PDLIM3: variants seen among roughly 807,000 people sequenced by gnomAD.
PDLIM3 encodes the protein PDZ and LIM domain 3.
Under a neutral mutation model 37.3 loss-of-function variants are expected in PDLIM3, and 36 were observed. The ratio of observed to expected loss-of-function variants is 0.97; its 90% CI spans 0.74 to 1.28. PDLIM3 has a LOEUF of 1.28. PDLIM3 is among the 50% of genes most tolerant of loss of function. PDLIM3 has a pLI of 0.00. For synonymous variants in PDLIM3, 174 were observed against 182.4 expected, an observed-to-expected ratio of 0.95 and a Z score of 0.37; for missense variants, 454 against 485.0, an observed-to-expected ratio of 0.94 and a Z score of 0.60.
At chr4:185,515,745 T>C (rs2095713942) in intron 3 of PDLIM3, 1 of 148,322 alleles carries the variant, frequency 6.7e-6, no homozygotes. Context: ...ATCCTATAAT[T>C]TTTTTTTTTA....
In PDLIM3 at chr4:185,523,437, A is replaced by C; in HGVS notation, c.255T>G (p.Thr85=). The C allele has an allele frequency of 6.3e-7, 1 of 1,595,854 alleles. No homozygotes were observed. The highest frequency in any genetic ancestry group is 1.3e-5 in the African/African-American group (1 of 74,684). The change falls in exon 3 of 8, where the codon ACT becomes ACG. Residue 85 remains threonine (T), a synonymous_variant. Coordinates refer to ENST00000284767, the MANE Select transcript of PDLIM3 (RefSeq NM_014476.6). ...CAGATACTTGTGGAGACCATAAGTG[A>C]GTTTCTCCCCTGGAAATAAAATAAA... ...QLCLKIDRGE[T]HLWSPQVSED...
intron 3 of PDLIM3, among the ~76,000 whole-genome samples, chr4:185,518,690 TC>T (rs2095718427): frequency 6.6e-6 from 1 of 152,210 alleles, no homozygotes; most frequent in African/African-American, 2.4e-5. Flanking sequence ...GTGAGCAGTT[TC>T]AAGTGTTTCC....
chr4:185,534,329 G>T (rs2095749736), intron 1 of PDLIM3, among the ~76,000 whole-genome samples: 1 of 152,172 alleles, frequency 6.6e-6, no homozygotes, highest in African/African-American at 2.4e-5. Flanking sequence ...AATATGGCAT[G>T]AGAAGAATAC....
chr4:185,535,488 T>A lies in PDLIM3; in HGVS notation c.-54A>T. 1 of 1,471,616 alleles carries A rather than the reference T, an allele frequency of 6.8e-7. No individual in the cohort carries two copies. Among genetic ancestry groups the A allele is most frequent in the Non-Finnish European group, 9.2e-7 (1 of 1,086,726 alleles). 91.2% of individuals were successfully genotyped at this position (1,471,616 alleles called of 1,614,324 possible). ...AAGTGTCCCCGCGCAGGGCAGCCAC[T>A]CCGCGCCGGGCGGCGTCCTGGCCCC... On this transcript the variant is annotated 5_prime_UTR_variant, in exon 1 of 8. Transcript: ENST00000284767.
intron 3 of PDLIM3, chr4:185,515,496 A>C (rs1005328042): frequency 1.3e-5 from 2 of 152,222 alleles, no homozygotes; most frequent in African/African-American, 2.4e-5. Flanking sequence ...CACAAGTGAG[A>C]GACTCTTTTT....
At chr4:185,530,380 C>G (rs1479360861) in intron 1 of PDLIM3, among the ~76,000 whole-genome samples, 2 of 152,304 alleles carry the variant, frequency 1.3e-5, no homozygotes, top group Middle Eastern at 3.4e-3. Context: ...AAAGCCTGTA[C>G]AAATTAGGAA....
Position 185,506,517 on chromosome 4 carries a change from C to A in PDLIM3, c.793+5G>T. On this transcript the variant is annotated splice_donor_5th_base_variant and intron_variant, in intron 6 of 7. Coordinates refer to ENST00000284767, the MANE Select transcript of PDLIM3 (RefSeq NM_014476.6). Reference sequence around the variant, plus strand: ...ACGTTTCAGCAGGTGTCAGCGGCTGCTCACCAGAGCCATCGTCCACCATTC... The same window carrying A: ...ACGTTTCAGCAGGTGTCAGCGGCTGATCACCAGAGCCATCGTCCACCATTC... 1 of 1,613,600 alleles carries A rather than the reference C, an allele frequency of 6.2e-7. No homozygotes were observed. The highest frequency in any genetic ancestry group is 8.5e-7 in the Non-Finnish European group (1 of 1,180,002).
At chr4:185,526,253 G>T (rs2095733929) in intron 1 of PDLIM3, among the ~76,000 whole-genome samples, 1 of 152,212 alleles carries the variant, frequency 6.6e-6, no homozygotes, top group African/African-American at 2.4e-5. Context: ...CAGAGACAAA[G>T]GAAGTTTGTA....
At position 185,535,455 on chromosome 4, in the gene PDLIM3, C is replaced by T; in HGVS notation, c.-21G>A. The T allele has an allele frequency of 3.2e-6, 5 of 1,569,024 alleles. No individual in the cohort carries two copies. The highest frequency in any genetic ancestry group is 4.3e-6 in the Non-Finnish European group (5 of 1,158,380). ...GGCATGCCGCCTTCCTCCCGCCCAC[C>T]GGGCTCTAAGTGTCCCCGCGCAGGG... On this transcript the variant is annotated 5_prime_UTR_variant, in exon 1 of 8. Coordinates refer to ENST00000284767, the MANE Select transcript of PDLIM3 (RefSeq NM_014476.6).
intron 7 of PDLIM3, among the ~76,000 whole-genome samples, chr4:185,503,776 C>G (rs1456410159): frequency 8.5e-5 from 13 of 152,106 alleles, no homozygotes; most frequent in Non-Finnish European, 4.4e-5. Flanking sequence ...GGTGAAACCC[C>G]CTCTCTACCA....
In PDLIM3 at chr4:185,534,383, C is replaced by T. The variant is rs539477184; in HGVS notation, c.93+959G>A. Among the ~76,000 whole-genome samples the T allele has an allele frequency of 1.8e-4, 28 of 152,200 alleles. 2 individuals are homozygous for T. The South Asian group carries it at 5.8e-3, about 32-fold the overall frequency. ...ACTCTGCAACTAAAAGTATAATATT[C>T]TGGAAGTTTACGCCTTTAGGTATTA... is the stretch of plus-strand genomic sequence containing the variant. On this transcript the variant is annotated intron_variant, in intron 1 of 7. Transcript: ENST00000284767.
In PDLIM3 at chr4:185,535,466, T is replaced by A. The variant is rs771433298; in HGVS notation, c.-32A>T. The A allele has an allele frequency of 1.3e-6, 2 of 1,539,850 alleles. No individual in the cohort carries two copies. The highest frequency in any genetic ancestry group is 2.4e-5 in the South Asian group (2 of 83,454). On this transcript the variant is annotated 5_prime_UTR_variant, in exon 1 of 8. Coordinates refer to ENST00000284767, the MANE Select transcript of PDLIM3 (RefSeq NM_014476.6). The stretch of plus-strand genomic sequence containing the variant: ...TTCCTCCCGCCCACCGGGCTCTAAG[T>A]GTCCCCGCGCAGGGCAGCCACTCCG...
At chr4:185,510,469 G>A (rs1179400650) in intron 4 of PDLIM3, among the ~76,000 whole-genome samples, 1 of 152,068 alleles carries the variant, frequency 6.6e-6, no homozygotes, top group Non-Finnish European at 1.5e-5. Flanking sequence ...ACTACCAATA[G>A]CCTACTGTTG....
In PDLIM3 at chr4:185,530,207, T is replaced by C. The variant is rs553256139; in HGVS notation, c.94-5036A>G. 3.3e-5 allele frequency among the ~76,000 whole-genome samples: 5 copies of C among 152,294 alleles called. No individual in the cohort carries two copies. The East Asian group carries it at 9.6e-4, about 29-fold the overall frequency. On this transcript the variant is annotated intron_variant, in intron 1 of 7. Coordinates refer to ENST00000284767, the MANE Select transcript of PDLIM3 (RefSeq NM_014476.6). ...CTGTGTTAGAACAAAATTGAACAGGTTTTTATTTACATCAACCTTTCCACT... is the reference window on the plus strand; with the variant it reads ...CTGTGTTAGAACAAAATTGAACAGGCTTTTATTTACATCAACCTTTCCACT...
chr4:185,514,602 GA>G lies in PDLIM3; in HGVS notation c.331-266del. 1 of 1,319,042 alleles carries G rather than the reference GA, an allele frequency of 7.6e-7. No individual in the cohort carries two copies. Among genetic ancestry groups the G allele is most frequent in the Non-Finnish European group, 1.0e-6 (1 of 973,040 alleles). The allele number at this position is 1,319,042 out of a possible 1,614,324, so 81.7% of individuals were successfully genotyped here. ...AAGAGAAATCTGATAGTGCCTTCAG[GA>G]AAGTAAAAATAAAACAGCAAGAGCT... On this transcript the variant is annotated intron_variant, in intron 3 of 7. Coordinates refer to ENST00000284767, the MANE Select transcript of PDLIM3 (RefSeq NM_014476.6). This position sits in a 1 kb window ranked among gnomAD's most constrained non-coding sequence, Gnocchi z 4.0.
At chr4:185,518,613 T>C (rs1369694010) in intron 3 of PDLIM3, among the ~76,000 whole-genome samples, 1 of 152,142 alleles carries the variant, frequency 6.6e-6, no homozygotes, top group Non-Finnish European at 1.5e-5. Flanking sequence ...AAGTTTAGAA[T>C]CACTTCCTCC....
At position 185,514,384 on chromosome 4, in the gene PDLIM3, T is replaced by A; in HGVS notation, c.331-47A>T. 1 of 1,614,030 alleles carries A rather than the reference T, an allele frequency of 6.2e-7. No individual in the cohort carries two copies. The highest frequency in any genetic ancestry group is 8.5e-7 in the Non-Finnish European group (1 of 1,179,916). On this transcript the variant is annotated intron_variant, in intron 3 of 7. Coordinates refer to ENST00000284767, the MANE Select transcript of PDLIM3 (RefSeq NM_014476.6). This position sits in a 1 kb window ranked among gnomAD's most constrained non-coding sequence, Gnocchi z 4.0. Reference sequence around the variant, plus strand: ...AAGGCCCTCAGTGGAAGGCGGACACTGTTGCAGATAAGATTAAACGAACGA... The same window carrying A: ...AAGGCCCTCAGTGGAAGGCGGACACAGTTGCAGATAAGATTAAACGAACGA...
rs374983642 is a variant in PDLIM3, at chr4:185,514,122, C to T, written c.398+148G>A. The T allele has an allele frequency of 5.7e-5, 88 of 1,540,606 alleles. 1 individual carries two copies. In the Middle Eastern group the frequency reaches 3.5e-3, roughly 62 times the overall value. On this transcript the variant is annotated intron_variant, in intron 4 of 7. Coordinates refer to ENST00000284767, the MANE Select transcript of PDLIM3 (RefSeq NM_014476.6). This position sits in a 1 kb window ranked among gnomAD's most constrained non-coding sequence, Gnocchi z 4.0. ...AAGTTATTTGGCTTCTGTTCTCTGC[C>T]AAGTGAGTTTGTTTCTTTTTGCTTT...
chr4:185,518,156 G>A (rs1212071021), intron 3 of PDLIM3, among the ~76,000 whole-genome samples: 2 of 152,032 alleles, frequency 1.3e-5, no homozygotes, highest in Non-Finnish European at 2.9e-5. Context: ...TTAAATGTTA[G>A]AGGCTTATAT....
Sources: gnomAD v4.1 joint callset for allele counts (sites outside exome capture counted in the v4.1 genomes callset) on GRCh38, gnomAD v4.1.1 for gene constraint, Gnocchi (gnomAD v3.1) non-coding constraint, MANE v1.5 for transcripts, NCBI Gene and HGNC (gene_info 2026-07-23, HGNC 2026-07-21) for gene names.